The following ANO10 variants were observed in gnomAD, a reference collection of about 807,000 sequenced individuals.
ANO10 encodes the protein anoctamin 10, also known as anoctamin-10.
Under a neutral mutation model 74.7 loss-of-function variants are expected in ANO10, and 77 were observed. That is an observed-to-expected ratio of 1.03 (90% CI 0.86 to 1.25). The LOEUF is 1.25. ANO10 is among the 50% of genes most tolerant of loss of function. The pLI is 0.00. For missense variants in ANO10, 721 were observed against 778.1 expected, an observed-to-expected ratio of 0.93 and a Z score of 0.87; for synonymous variants, 279 against 284.9, an observed-to-expected ratio of 0.98 and a Z score of 0.21.
At chr3:43,639,565 C>A (rs957860092) in intron 1 of ANO10, among the ~76,000 whole-genome samples, 8 of 152,056 alleles carry the variant, frequency 5.3e-5, no homozygotes, top group African/African-American at 1.7e-4. Context: ...GAGATTGAGA[C>A]CATCCTGGCC....
At position 43,690,945 on chromosome 3, in the gene ANO10, C is replaced by T. The variant is rs372014366; in HGVS notation, c.-12+572G>A. ...GCCAGCCCGGGGCGGCCCAGTCGGC[C>T]TGTCAGCCGGCTTCGAGATAAGTCC... On this transcript the variant is annotated intron_variant, in intron 1 of 3. Transcript: ENST00000413397. 563 of 1,542,818 alleles carry T rather than the reference C, an allele frequency of 3.6e-4. No individual in the cohort carries two copies. The highest frequency in any genetic ancestry group is 4.5e-4 in the Non-Finnish European group (520 of 1,150,326).
intron 11 of ANO10, among the ~76,000 whole-genome samples, chr3:43,455,420 A>G (rs2075080932): frequency 6.6e-6 from 1 of 151,990 alleles, no homozygotes; most frequent in East Asian, 1.9e-4. Context: ...GAGGTCAAGG[A>G]TGTCAGCAGC....
At position 43,563,061 on chromosome 3, in the gene ANO10, A is replaced by C. The variant is rs567020847; in HGVS notation, c.1294-1659T>G. 7.5e-4 allele frequency among the ~76,000 whole-genome samples: 115 copies of C among 152,354 alleles called. 1 individual carries two copies. Among genetic ancestry groups the C allele is most frequent in the African/African-American group, 2.7e-3 (111 of 41,582 alleles). ...GAATGGGAGAAAAGATCTGCAGACT[A>C]CTCATCTGACAAGGAACTAATACCT... is the stretch of plus-strand genomic sequence containing the variant. On this transcript the variant is annotated intron_variant, in intron 8 of 12. Coordinates refer to ENST00000292246, the MANE Select transcript of ANO10 (RefSeq NM_018075.5).
intron 11 of ANO10, among the ~76,000 whole-genome samples, chr3:43,439,648 G>A (rs1035771474): frequency 3.3e-5 from 5 of 152,066 alleles, no homozygotes; most frequent in African/African-American, 1.2e-4. Flanking sequence ...GAGAGGCCCA[G>A]GTGGGTGAAT....
chr3:43,383,385 C>T (rs2092025255), intron 12 of ANO10, among the ~76,000 whole-genome samples: 1 of 145,120 alleles, frequency 6.9e-6, no homozygotes, highest in African/African-American at 2.6e-5. Context: ...ACATGGAAGG[C>T]AGAGCTTGCA....
chr3:43,507,447 C>G (rs1048863598), intron 11 of ANO10, among the ~76,000 whole-genome samples: 1 of 152,166 alleles, frequency 6.6e-6, no homozygotes, highest in Non-Finnish European at 1.5e-5. Context: ...CAACATGCAG[C>G]TGGGTCAAGT....
intron 1 of ANO10, among the ~76,000 whole-genome samples, chr3:43,632,644 A>T (rs1264693825): frequency 6.6e-6 from 1 of 152,198 alleles, no homozygotes; most frequent in Non-Finnish European, 1.5e-5. Context: ...TCCTGCCAGG[A>T]CTGTGACTGA....
chr3:43,452,129 T>C (rs1357916600), intron 11 of ANO10, among the ~76,000 whole-genome samples: 2 of 152,206 alleles, frequency 1.3e-5, no homozygotes, highest in African/African-American at 2.4e-5. Flanking sequence ...CTAAAAGAAT[T>C]AGAACACTCT....
intron 4 of ANO10, among the ~76,000 whole-genome samples, chr3:43,594,872 T>G (rs559355225): frequency 1.4e-4 from 22 of 152,020 alleles, no homozygotes; most frequent in Admixed American, 9.2e-4. Flanking sequence ...CTAGCAAGAC[T>G]AATAAAGAAG....
At chr3:43,374,644 T>G (rs1296796080) in intron 12 of ANO10, among the ~76,000 whole-genome samples, 1 of 152,204 alleles carries the variant, frequency 6.6e-6, no homozygotes, top group Non-Finnish European at 1.5e-5. Context: ...TTCTAATCCA[T>G]GAGATCTTGC....
chr3:43,555,282 C>T lies in ANO10; in HGVS notation c.1664G>A (p.Trp555Ter). 1 of 1,613,878 alleles carries T rather than the reference C, an allele frequency of 6.2e-7. No individual in the cohort carries two copies. The highest frequency in any genetic ancestry group is 8.5e-7 in the Non-Finnish European group (1 of 1,179,888). ...FSEPSANIGVWQLAFETMSVI... is the reference protein window; with the variant it reads ...FSEPSANIGV ...ATTTTTTTCTCAAACAATTACCTGCCACACACCAATATTGGCTGAAGGTTC... is the reference window on the plus strand; with the variant it reads ...ATTTTTTTCTCAAACAATTACCTGCTACACACCAATATTGGCTGAAGGTTC... Residue 555 changes from tryptophan to a stop codon, truncating the protein, a stop_gained, in exon 10 of 13, where the codon TGG (tryptophan) becomes TAG (stop). Transcript: ENST00000292246. LOFTEE classifies it high-confidence loss of function.
chr3:43,532,971 T>TTG (rs1408728843), intron 11 of ANO10, among the ~76,000 whole-genome samples: 1 of 152,188 alleles, frequency 6.6e-6, no homozygotes, highest in East Asian at 1.9e-4. Flanking sequence ...CTCTCTGTCT[T>TTG]TGTGTCCTCT....
intron 4 of ANO10, among the ~76,000 whole-genome samples, chr3:43,590,741 C>T (rs2081700484): frequency 1.3e-5 from 2 of 152,176 alleles, no homozygotes; most frequent in African/African-American, 4.8e-5. Flanking sequence ...AGCAAACAAG[C>T]TCTAAAATAT....
At chr3:43,649,821 G>A (rs886514479) in intron 1 of ANO10, among the ~76,000 whole-genome samples, 1 of 152,204 alleles carries the variant, frequency 6.6e-6, no homozygotes, top group African/African-American at 2.4e-5. Context: ...GGTGTGGCTT[G>A]TCTGTTCAGT....
intron 11 of ANO10, among the ~76,000 whole-genome samples, chr3:43,440,009 CATG>C (rs1245216529): frequency 6.6e-6 from 1 of 151,552 alleles, no homozygotes; most frequent in Non-Finnish European, 1.5e-5. Context: ...ATGTAATCCC[CATG>C]ATAACTACAA....
intron 11 of ANO10, among the ~76,000 whole-genome samples, chr3:43,458,895 G>A (rs1019038619): frequency 6.6e-6 from 1 of 152,288 alleles, no homozygotes; most frequent in Admixed American, 6.5e-5. Flanking sequence ...ACTTATGAGT[G>A]AGAATATGTG....
At chr3:43,625,360 A>G (rs1292786601), upstream of ANO10, among the ~76,000 whole-genome samples, 2 of 152,236 alleles carry the variant, frequency 1.3e-5, no homozygotes, top group Non-Finnish European at 2.9e-5. Flanking sequence ...AATAAAAACA[A>G]GACTCTCACT....
At chr3:43,459,954 T>C (rs947406771) in intron 11 of ANO10, among the ~76,000 whole-genome samples, 2 of 152,102 alleles carry the variant, frequency 1.3e-5, no homozygotes, top group Non-Finnish European at 2.9e-5. Context: ...TAAACTACTA[T>C]ATAAAGAAGT....
chr3:43,538,985 G>A (rs1025363695), intron 11 of ANO10, among the ~76,000 whole-genome samples: 1 of 152,202 alleles, frequency 6.6e-6, no homozygotes, highest in Non-Finnish European at 1.5e-5. Flanking sequence ...GACTTTGAAA[G>A]TGTTTTTTAA....
Sources: gnomAD v4.1 joint callset for allele counts (sites outside exome capture counted in the v4.1 genomes callset) on GRCh38, gnomAD v4.1.1 for gene constraint, MANE v1.5 for transcripts, NCBI Gene and HGNC (gene_info 2026-07-23, HGNC 2026-07-21) for gene names.